LTBP2: variants seen among roughly 807,000 people sequenced by gnomAD.
The protein encoded by LTBP2 is latent-transforming growth factor beta-binding protein 2.
Under a neutral mutation model 210.6 loss-of-function variants are expected in LTBP2, and 103 were observed. The ratio of observed to expected loss-of-function variants is 0.49; its 90% CI spans 0.42 to 0.58. LTBP2 has a LOEUF of 0.58. LTBP2 is among the 20% of genes least tolerant of loss of function. The pLI, the probability that LTBP2 is intolerant of heterozygous loss-of-function variation, is 0.00. For missense variants in LTBP2, 2,313 were observed against 2,494.5 expected (o/e 0.93, Z 1.55); for synonymous variants, 1,007 against 1,015.0 (o/e 0.99, Z 0.15).
chr14:74,531,250 G>C (rs1337767554), intron 10 of LTBP2, among the ~76,000 whole-genome samples: 1 of 152,210 alleles, frequency 6.6e-6, no homozygotes, highest in Non-Finnish European at 1.5e-5. Flanking sequence ...ATCACTGTAG[G>C]AGGCTGGAGG....
At position 74,611,898 on chromosome 14, in the gene LTBP2, T is replaced by A. The variant is rs778816860; in HGVS notation, c.47A>T (p.Asn16Ile). Residue 16 changes from asparagine (N) to isoleucine (I), a missense_variant, in exon 1 of 36, where the codon AAC becomes ATC. Physicochemically the swap from Asn to Ile is moderately radical, Grantham distance 149. Coordinates refer to ENST00000261978, the MANE Select transcript of LTBP2 (RefSeq NM_000428.3). ...GAGCGGCAGGAAGCCTCTCCAGGGG[T>A]TCCGCAGGGCGCGCCCCGGGCTGCG... Reference protein sequence around the residue: ...KARSPGRALRNPWRGFLPLTL... With the variant: ...KARSPGRALRIPWRGFLPLTL... 2 of 1,599,812 alleles carry A rather than the reference T, an allele frequency of 1.3e-6. No individual in the cohort carries two copies. The highest frequency in any genetic ancestry group is 1.1e-5 in the South Asian group (1 of 90,128).
intron 34 of LTBP2, chr14:74,501,802 T>C: frequency 1.7e-6 from 1 of 605,740 alleles, no homozygotes; most frequent in Non-Finnish European, 2.9e-6. Flanking sequence ...TGGGGAGAGG[T>C]GCTCTGGGCT....
Position 74,507,347 on chromosome 14 carries a change from T to C in LTBP2, c.3776-37A>G, listed in dbSNP as rs145056160. On this transcript the variant is annotated intron_variant, in intron 25 of 35. Coordinates refer to ENST00000261978, the MANE Select transcript of LTBP2 (RefSeq NM_000428.3). ...GCCATGCCATGAGAGAGGACAGAGG[T>C]GGCCAGGTCACTGCTGTGGTCCCAC... 604 of 1,613,364 alleles carry C rather than the reference T, an allele frequency of 3.7e-4. 2 individuals are homozygous for C. The African/African-American group carries it at 6.8e-3, about 18-fold the overall frequency.
rs140098306 is a variant in LTBP2, at chr14:74,506,740, C to T, written c.3991G>A (p.Asp1331Asn). Residue 1331 changes from aspartate (D) to asparagine (N), a missense_variant, in exon 27 of 36, where the codon GAC (aspartate) becomes AAC (asparagine). Transcript: ENST00000261978. ...NTDGSFRCLC[D>N]QGFEISPSGW... Reference sequence around the variant, plus strand: ...GAGGGAGAGATCTCGAAGCCCTGGTCACAGAGGCAGCGGAAGGAGCCATCA... The same window carrying T: ...GAGGGAGAGATCTCGAAGCCCTGGTTACAGAGGCAGCGGAAGGAGCCATCA... The T allele has an allele frequency of 1.5e-4, 248 of 1,613,866 alleles. No individual in the cohort carries two copies. The highest frequency in any genetic ancestry group is 1.9e-4 in the Non-Finnish European group (226 of 1,180,048).
intron 1 of LTBP2, among the ~76,000 whole-genome samples, chr14:74,604,159 C>T (rs1030170640): frequency 1.0e-5 from 1 of 99,992 alleles, no homozygotes; most frequent in African/African-American, 6.4e-5. Flanking sequence ...TACATTGCCT[C>T]TCACCAAAAA....
At chr14:74,597,041 C>T (rs1026533258) in intron 2 of LTBP2, among the ~76,000 whole-genome samples, 1 of 152,110 alleles carries the variant, frequency 6.6e-6, no homozygotes, top group African/African-American at 2.4e-5. Context: ...CAGATTGTTC[C>T]GGGAGCAATG....
chr14:74,525,137 G>T lies in LTBP2; in HGVS notation c.2517C>A (p.Thr839=). The T allele has an allele frequency of 7.5e-7, 1 of 1,330,756 alleles. No individual in the cohort carries two copies. Among genetic ancestry groups the T allele is most frequent in the Admixed American group, 3.0e-5 (1 of 33,702 alleles). The allele number at this position is 1,330,756 out of a possible 1,614,324, so 82.4% of individuals were successfully genotyped here. A position where few individuals can be genotyped will look rare whatever the true frequency, so the allele number is the denominator to read the frequency against. ...QVTPSTDVLV[T]LSTPGIDRCA... ...GGCTGCAGCTACCTGGGGTGCTCAG[G>T]GTCACCAGCACATCAGTGGAGGGGG... The change falls in exon 15 of 36, where the codon ACC becomes ACA. Residue 839 remains threonine (T), a synonymous_variant. Transcript: ENST00000261978.
chr14:74,539,274 G>C (rs2139730928), intron 8 of LTBP2, among the ~76,000 whole-genome samples: 1 of 152,332 alleles, frequency 6.6e-6, no homozygotes, highest in Middle Eastern at 3.4e-3. Context: ...GCAGAGGCAG[G>C]GTTGAAATCG....
intron 2 of LTBP2, among the ~76,000 whole-genome samples, chr14:74,589,034 C>T (rs2088247021): frequency 6.6e-6 from 1 of 152,134 alleles, no homozygotes; most frequent in Non-Finnish European, 1.5e-5. Flanking sequence ...CCAAATGCAC[C>T]CTTGGGAACT....
Position 74,540,822 on chromosome 14 carries a change from T to A in LTBP2, c.1790-4822A>T, listed in dbSNP as rs367951966. 3.8e-4 allele frequency among the ~76,000 whole-genome samples: 26 copies of A among 67,584 alleles called. 3 individuals carry two copies. The highest frequency in any genetic ancestry group is 7.6e-4 in the African/African-American group (15 of 19,746). 44.3% of individuals were successfully genotyped at this position (67,584 alleles called of 152,430 possible). On this transcript the variant is annotated intron_variant, in intron 8 of 35. Coordinates refer to ENST00000261978, the MANE Select transcript of LTBP2 (RefSeq NM_000428.3). Reference sequence around the variant, plus strand: ...ATATATATATATAATATATATATATTTTTATATAATATATATTTATATATA... The same window carrying A: ...ATATATATATATAATATATATATATATTTATATAATATATATTTATATATA...
At chr14:74,525,052 TG>T in intron 15 of LTBP2, 71 bp downstream of exon 15, 1 of 828,664 alleles carries the variant, frequency 1.2e-6, no homozygotes, top group Non-Finnish European at 1.7e-6. Flanking sequence ...GCCCCTGCCC[TG>T]GAGTTGGCTC....
intron 3 of LTBP2, among the ~76,000 whole-genome samples, chr14:74,566,190 A>G (rs1231830478): frequency 1.2e-4 from 19 of 152,070 alleles, no homozygotes; most frequent in Admixed American, 5.9e-4. Context: ...ACTCCTTATG[A>G]CTTCCAGGTG....
chr14:74,554,003 G>A (rs1209458886), intron 4 of LTBP2, among the ~76,000 whole-genome samples: 1 of 150,206 alleles, frequency 6.7e-6, no homozygotes, highest in African/African-American at 2.4e-5. Context: ...ACGTTGAGGG[G>A]AAAGGGCTGA....
At chr14:74,610,706 G>A (rs1450517966) in intron 1 of LTBP2, among the ~76,000 whole-genome samples, 2 of 152,214 alleles carry the variant, frequency 1.3e-5, no homozygotes, top group Admixed American at 6.5e-5. Context: ...GTGGGCAGGG[G>A]GTGGTGCCCA....
intron 8 of LTBP2, 26 bp from the exon 9 acceptor site, chr14:74,536,026 C>T: frequency 6.2e-7 from 1 of 1,602,168 alleles, no homozygotes; most frequent in Non-Finnish European, 8.6e-7. Context: ...ACGGACAGGT[C>T]TCACTGGACG....
At chr14:74,507,864 G>T in intron 25 of LTBP2, 109 bp downstream of exon 25, 1 of 1,463,172 alleles carries the variant, frequency 6.8e-7, no homozygotes, top group Non-Finnish European at 9.5e-7. Flanking sequence ...ACTATTTGTT[G>T]GACACTTCAT....
In LTBP2 at chr14:74,503,416, G is replaced by GC. The variant is rs765429819; in HGVS notation, c.4721-31dup. 2.1e-5 allele frequency: 34 copies of GC among 1,609,754 alleles called. No homozygotes were observed. The Admixed American group carries it at 4.0e-4, about 19-fold the overall frequency. On this transcript the variant is annotated intron_variant, in intron 32 of 35. Coordinates refer to ENST00000261978, the MANE Select transcript of LTBP2 (RefSeq NM_000428.3). ...TGGCACAGGGCACGGAGGCACATGA[G>GC]CCCCCCAGCCCAGGTACCCTTCTCC...
chr14:74,532,650 C>T, intron 9 of LTBP2, 102 bp from the exon 10 acceptor site: 1 of 1,366,348 alleles, frequency 7.3e-7, no homozygotes, highest in Non-Finnish European at 1.0e-6. Flanking sequence ...GATAAAACAA[C>T]AACAAAAGAG....
chr14:74,588,568 T>C (rs2088240338), intron 2 of LTBP2, among the ~76,000 whole-genome samples: 1 of 152,212 alleles, frequency 6.6e-6, no homozygotes, highest in Non-Finnish European at 1.5e-5. Flanking sequence ...CTGACTCATA[T>C]AGTCAGCCCC....
Sources: gnomAD v4.1 joint callset for allele counts (sites outside exome capture counted in the v4.1 genomes callset) on GRCh38, gnomAD v4.1.1 for gene constraint, MANE v1.5 for transcripts, NCBI Gene and HGNC (gene_info 2026-07-23, HGNC 2026-07-21) for gene names.